The following DAB1 variants were observed in gnomAD, a reference collection of about 807,000 sequenced individuals.
DAB1 encodes DAB adaptor protein 1.
Under a neutral mutation model 64.6 loss-of-function variants are expected in DAB1, and 15 were observed. That is an observed-to-expected ratio of 0.23 (90% CI 0.16 to 0.36). The LOEUF is 0.36. Ranked by LOEUF, DAB1 falls within the 10% of genes least tolerant of loss-of-function variation. DAB1 has a pLI of 1.00. For synonymous variants in DAB1, 235 were observed against 251.9 expected, an observed-to-expected ratio of 0.93 and a Z score of 0.64; for missense variants, 596 against 706.7, an observed-to-expected ratio of 0.84 and a Z score of 1.78.
At chr1:57,663,947 C>T (rs74075808) in intron 6 of DAB1, among the ~76,000 whole-genome samples, 3,326 of 152,232 alleles carry the variant, frequency 0.022, 112 homozygotes, top group African/African-American at 0.076. Flanking sequence ...AGGACCAAAA[C>T]TCATGCTGAA....
intron 4 of DAB1, among the ~76,000 whole-genome samples, chr1:58,191,316 G>A (rs1657376269): frequency 6.6e-6 from 1 of 152,172 alleles, no homozygotes; most frequent in East Asian, 1.9e-4. Context: ...GGAAATGGAG[G>A]TTTAGAAAAA....
chr1:58,321,554 G>A (rs1046805886), intron 4 of DAB1, among the ~76,000 whole-genome samples: 2 of 152,264 alleles, frequency 1.3e-5, no homozygotes, highest in Non-Finnish European at 2.9e-5. Flanking sequence ...GGACACTCCT[G>A]CCCAAATACT....
chr1:57,357,519 C>CTTT (rs35457403), intron 1 of DAB1, among the ~76,000 whole-genome samples: 8,812 of 122,606 alleles, frequency 0.072, 389 homozygotes, highest in African/African-American at 0.089. Context: ...CACCTTCTTC[C>CTTT]TTTTTTTTTT....
At chr1:58,510,919 T>G (rs1283893514) in intron 2 of DAB1, among the ~76,000 whole-genome samples, 1 of 151,342 alleles carries the variant, frequency 6.6e-6, no homozygotes, top group African/African-American at 2.4e-5. Flanking sequence ...ACTAAGGAGG[T>G]GAAAGCCTTC....
intron 1 of DAB1, among the ~76,000 whole-genome samples, chr1:57,861,346 A>G (rs1654017333): frequency 6.6e-6 from 1 of 152,226 alleles, no homozygotes; most frequent in Admixed American, 6.5e-5. Context: ...GGGTGCCAGC[A>G]TGGTCAGATT....
chr1:57,152,853 G>C (rs944214623), intron 2 of DAB1, among the ~76,000 whole-genome samples: 2 of 152,122 alleles, frequency 1.3e-5, no homozygotes, highest in Non-Finnish European at 2.9e-5. Context: ...AACTGAGTTG[G>C]TAAGTGCTAA....
intron 6 of DAB1, among the ~76,000 whole-genome samples, chr1:57,786,564 T>C (rs557700068): frequency 1.1e-4 from 16 of 152,362 alleles, no homozygotes; most frequent in African/African-American, 3.4e-4. Context: ...TTTTGAGTTA[T>C]TTCTATGTGC....
chr1:57,334,969 C>A (rs556108151), intron 1 of DAB1, among the ~76,000 whole-genome samples: 1 of 152,184 alleles, frequency 6.6e-6, no homozygotes, highest in Admixed American at 6.5e-5. Flanking sequence ...AGAGAACTAA[C>A]CTTTCATTTC....
intron 1 of DAB1, among the ~76,000 whole-genome samples, chr1:57,313,781 T>C (rs991546850): frequency 6.6e-6 from 1 of 152,208 alleles, no homozygotes; most frequent in African/African-American, 2.4e-5. Context: ...CAGAAATTCA[T>C]ACATTGAAAC....
intron 2 of DAB1, among the ~76,000 whole-genome samples, chr1:57,198,649 T>A (rs60145796): frequency 0.07 from 9,019 of 127,974 alleles, 450 homozygotes; most frequent in African/African-American, 0.13. Flanking sequence ...CTTCTCTCTC[T>A]CACACACACA....
chr1:58,346,861 G>A (rs1001084636), intron 3 of DAB1, among the ~76,000 whole-genome samples: 2 of 152,176 alleles, frequency 1.3e-5, no homozygotes, highest in East Asian at 1.9e-4. Flanking sequence ...CCACACTGGC[G>A]AAGCAAGCTA....
At chr1:57,139,024 T>C (rs143463822) in intron 3 of DAB1, among the ~76,000 whole-genome samples, 1 of 152,256 alleles carries the variant, frequency 6.6e-6, no homozygotes, top group Non-Finnish European at 1.5e-5. Context: ...TGTTCTCAGA[T>C]AGATTTGGAG....
At chr1:57,569,696 T>C (rs1057302625) in intron 7 of DAB1, among the ~76,000 whole-genome samples, 23 of 152,038 alleles carry the variant, frequency 1.5e-4, no homozygotes, top group Admixed American at 1.5e-3. Context: ...TGTATACATA[T>C]GTAACAAACC....
At chr1:57,436,212 C>T (rs1166262473) in intron 7 of DAB1, among the ~76,000 whole-genome samples, 5 of 152,054 alleles carry the variant, frequency 3.3e-5, no homozygotes, top group Non-Finnish European at 5.9e-5. Flanking sequence ...CCACCATGCC[C>T]GGCTGTGCTA....
intron 2 of DAB1, among the ~76,000 whole-genome samples, chr1:57,146,361 A>G (rs1303289464): frequency 6.6e-6 from 1 of 152,212 alleles, no homozygotes; most frequent in Non-Finnish European, 1.5e-5. Flanking sequence ...TGGACATTGT[A>G]CAGTTGGTTC....
chr1:57,772,591 A>C (rs1189054267), intron 6 of DAB1, among the ~76,000 whole-genome samples: 2 of 152,152 alleles, frequency 1.3e-5, no homozygotes, highest in Admixed American at 1.3e-4. Context: ...ACTTTATAAG[A>C]AATTGGCTGA....
chr1:58,390,960 C>T (rs1644470373), intron 3 of DAB1, among the ~76,000 whole-genome samples: 1 of 152,178 alleles, frequency 6.6e-6, no homozygotes, highest in South Asian at 2.1e-4. Flanking sequence ...CCCTTCCTCT[C>T]CCCATATGTT....
chr1:58,283,187 G>T (rs1248063983), intron 4 of DAB1, among the ~76,000 whole-genome samples: 6 of 150,258 alleles, frequency 4.0e-5, no homozygotes, highest in African/African-American at 1.5e-4. Flanking sequence ...AGCTGCCTCA[G>T]TAGCCCATCC....
chr1:57,755,390 T>C (rs905335535), intron 6 of DAB1, among the ~76,000 whole-genome samples: 3 of 152,180 alleles, frequency 2.0e-5, no homozygotes, highest in African/African-American at 4.8e-5. Context: ...TGTGTGTATA[T>C]GTATATTTTC....
Sources: allele counts gnomAD v4.1 joint callset (sites outside exome capture counted in the v4.1 genomes callset), GRCh38; gene constraint gnomAD v4.1.1; transcripts MANE v1.5; gene names NCBI Gene and HGNC (gene_info 2026-07-23, HGNC 2026-07-21).